Variants in TP53I11 observed in about 807,000 individuals in gnomAD.
TP53I11 encodes tumor protein p53 inducible protein 11, also known as tumor protein p53-inducible protein 11.
A neutral mutation model predicts 23.3 loss-of-function variants in TP53I11; 9 were observed. The ratio of observed to expected loss-of-function variants is 0.39; its 90% CI spans 0.23 to 0.67. TP53I11 has a LOEUF of 0.67. TP53I11 is among the 30% of genes least tolerant of loss of function. TP53I11 has a pLI of 0.48. For missense variants in TP53I11, 170 were observed against 255.2 expected, an observed-to-expected ratio of 0.67 and a Z score of 2.27; for synonymous variants, 100 against 106.1, an observed-to-expected ratio of 0.94 and a Z score of 0.35.
chr11:44,943,386 G>A (rs1223828293), intron 1 of TP53I11, among the ~76,000 whole-genome samples: 4 of 152,186 alleles, frequency 2.6e-5, no homozygotes, highest in Non-Finnish European at 4.4e-5. Flanking sequence ...CTGGGGGCAG[G>A]GGCAGCAAGG....
At chr11:44,950,199 C>A (rs1169014220) in intron 1 of TP53I11, 1 of 152,282 alleles carries the variant, frequency 6.6e-6, no homozygotes, top group African/African-American at 2.4e-5. Flanking sequence ...CTCCTCCTGC[C>A]GGGAACAATG....
At chr11:44,941,231 C>G (rs528771869) in intron 1 of TP53I11, among the ~76,000 whole-genome samples, 68 of 152,244 alleles carry the variant, frequency 4.5e-4, no homozygotes, top group African/African-American at 1.6e-3. Flanking sequence ...CAGCCTTGGC[C>G]GGGGGAGGGG....
intron 1 of TP53I11, among the ~76,000 whole-genome samples, chr11:44,944,154 T>A (rs987165574): frequency 1.3e-5 from 2 of 152,086 alleles, no homozygotes; most frequent in Non-Finnish European, 2.9e-5. Flanking sequence ...GGGGTGCAAA[T>A]GCTCTTGGCA....
Position 44,934,746 on chromosome 11 carries a change from G to GC in TP53I11, c.*137dup, listed in dbSNP as rs564441721. 1,499 of 1,232,766 alleles carry GC rather than the reference G, an allele frequency of 1.2e-3. 3 individuals carry two copies. Among genetic ancestry groups the GC allele is most frequent in the Non-Finnish European group, 1.6e-3 (1,404 of 904,470 alleles). 76.4% of individuals were successfully genotyped at this position (1,232,766 alleles called of 1,614,324 possible). On this transcript the variant is annotated 3_prime_UTR_variant, in exon 7 of 7. Coordinates refer to ENST00000525680, the MANE Select transcript of TP53I11 (RefSeq NM_006034.5). ...ACGGGGTGCCCAGGAGGAAAGGAAG[G>GC]CCCCCCACCCCCTGCCTCCCTGGGG...
chr11:44,951,138 A>C (rs1862922317), upstream of TP53I11: 1 of 152,198 alleles, frequency 6.6e-6, no homozygotes, highest in Non-Finnish European at 1.5e-5. Flanking sequence ...CGCGCCGCCC[A>C]GGATGACTTT....
At chr11:44,937,755 T>A in intron 2 of TP53I11, 142 bp from the exon 3 acceptor site, 1 of 759,322 alleles carries the variant, frequency 1.3e-6, no homozygotes. Context: ...GTGGGGAGGG[T>A]CACATGAGGC....
rs778453087 is a variant in TP53I11 at position 44,935,577 on chromosome 11, G to A, written c.420C>T (p.Phe140=). The A allele has an allele frequency of 2.1e-5, 34 of 1,612,160 alleles. No homozygotes were observed. The highest frequency in any genetic ancestry group is 2.7e-5 in the Non-Finnish European group (32 of 1,178,924). ...RWTLLTEACY[F]GVQFLVVTAT... is the part of the protein sequence containing the mutation. ...AGGACTCACCCAAGAACTGGACCCCGAAATAGCAAGCTTCGGTGAGCAGGG... is the reference window on the plus strand; with the variant it reads ...AGGACTCACCCAAGAACTGGACCCCAAAATAGCAAGCTTCGGTGAGCAGGG... Residue 140 remains phenylalanine, a synonymous_variant, in exon 6 of 7, where the codon TTC becomes TTT. Coordinates refer to ENST00000525680, the MANE Select transcript of TP53I11 (RefSeq NM_006034.5).
At chr11:44,935,708 C>A (rs879771423) in intron 5 of TP53I11, 46 bp from the exon 6 acceptor site, 24 of 1,371,816 alleles carry the variant, frequency 1.7e-5, no homozygotes, top group Non-Finnish European at 2.1e-5. Context: ...ACAGCTGACT[C>A]CCTCCCAGCA....
rs1277029214 is a variant in TP53I11 at position 44,936,198 on chromosome 11, G to C, written c.335-536C>G. On this transcript the variant is annotated intron_variant, in intron 5 of 6. Coordinates refer to ENST00000525680, the MANE Select transcript of TP53I11 (RefSeq NM_006034.5). This position sits in a 1 kb window ranked among gnomAD's most constrained non-coding sequence, Gnocchi z 4.4. Reference sequence around the variant, plus strand: ...AGCAGGCCCCGCCCACCCAGTGTCTGCTGGTACCAGACATGCCACTGGGTG... The same window carrying C: ...AGCAGGCCCCGCCCACCCAGTGTCTCCTGGTACCAGACATGCCACTGGGTG... The C allele has an allele frequency of 2.0e-6, 2 of 1,018,176 alleles. No homozygotes were observed. The highest frequency in any genetic ancestry group is 2.3e-6 in the Non-Finnish European group (2 of 852,112). The allele number at this position is 1,018,176 out of a possible 1,614,324, so 63.1% of individuals were successfully genotyped here. A position where few individuals can be genotyped will look rare whatever the true frequency, so the allele number is the denominator to read the frequency against.
chr11:44,938,679 G>A (rs952399421), intron 1 of TP53I11, among the ~76,000 whole-genome samples: 27 of 152,170 alleles, frequency 1.8e-4, no homozygotes, highest in Non-Finnish European at 3.1e-4. Flanking sequence ...TCTGGATGGC[G>A]GCCACATCCA....
intron 1 of TP53I11, among the ~76,000 whole-genome samples, chr11:44,946,151 G>A (rs1160680385): frequency 1.3e-5 from 2 of 152,220 alleles, no homozygotes; most frequent in African/African-American, 4.8e-5. Flanking sequence ...GGGCTAGAGA[G>A]ATAATCTAGA....
At chr11:44,943,466 G>A (rs1862095267) in intron 1 of TP53I11, among the ~76,000 whole-genome samples, 1 of 152,172 alleles carries the variant, frequency 6.6e-6, no homozygotes, top group South Asian at 2.1e-4. Flanking sequence ...GCCCAGGCCT[G>A]GGATCCTGAA....
rs1860704677 is a variant in TP53I11, at chr11:44,933,014, GGCACCA to G, written c.*1864_*1869del. 2 of 102,454 alleles carry G rather than the reference GGCACCA, an allele frequency of 2.0e-5. No homozygotes were observed. 6.3% of individuals were successfully genotyped at this position (102,454 alleles called of 1,614,324 possible). On this transcript the variant is annotated 3_prime_UTR_variant, in exon 7 of 7. Transcript: ENST00000525680. ...CGGCCTGAGGGCACTGCCCATTGGC[GGCACCA>G]CCTGTGGGCAGCAGCGGGAGGCAGT...
At chr11:44,945,001 C>G (rs1422705998) in intron 1 of TP53I11, among the ~76,000 whole-genome samples, 2 of 152,204 alleles carry the variant, frequency 1.3e-5, no homozygotes, top group Non-Finnish European at 2.9e-5. Context: ...GAAGACTATG[C>G]CCGTGAGGGC....
rs758804746 is a variant in TP53I11, at chr11:44,934,918, T to A, written c.536A>T (p.Tyr179Phe). 14 of 1,613,920 alleles carry A rather than the reference T, an allele frequency of 8.7e-6. No homozygotes were observed. In the African/African-American group the frequency reaches 1.5e-4, roughly 17 times the overall value. Residue 179 changes from tyrosine to phenylalanine, a missense_variant, in exon 7 of 7, where the codon TAT becomes TTT. By Grantham distance (22) the Tyr-to-Phe change is conservative. Coordinates refer to ENST00000525680, the MANE Select transcript of TP53I11 (RefSeq NM_006034.5). ...LLFVVISIYY[Y>F]YQVGRRPKKA ...CTTGGGTCTTCGGCCGACTTGGTAATAGTAGTAAATGCTGATGACGACAAA... is the reference window on the plus strand; with the variant it reads ...CTTGGGTCTTCGGCCGACTTGGTAAAAGTAGTAAATGCTGATGACGACAAA...
intron 1 of TP53I11, among the ~76,000 whole-genome samples, chr11:44,945,739 G>A (rs898471884): frequency 3.3e-5 from 5 of 152,154 alleles, no homozygotes; most frequent in African/African-American, 1.2e-4. Context: ...GAGTTGGGGG[G>A]CGGGGTGCTG....
At chr11:44,942,269 CCA>C (rs138469348) in intron 1 of TP53I11, among the ~76,000 whole-genome samples, 5,166 of 146,714 alleles carry the variant, frequency 0.035, 140 homozygotes, top group Admixed American at 0.087. Flanking sequence ...CACACACCCA[CCA>C]CACACATCAC....
At position 44,936,381 on chromosome 11, in the gene TP53I11, T is replaced by C. The variant is rs1056041171; in HGVS notation, c.334+422A>G. 1.3e-5 allele frequency: 16 copies of C among 1,229,124 alleles called. No homozygotes were observed. Among genetic ancestry groups the C allele is most frequent in the Middle Eastern group, 6.2e-4 (2 of 3,216 alleles). The allele number at this position is 1,229,124 out of a possible 1,614,324, so 76.1% of individuals were successfully genotyped here. On this transcript the variant is annotated intron_variant, in intron 5 of 6. Coordinates refer to ENST00000525680, the MANE Select transcript of TP53I11 (RefSeq NM_006034.5). This position sits in a 1 kb window ranked among gnomAD's most constrained non-coding sequence, Gnocchi z 4.4. Reference sequence around the variant, plus strand: ...CAAATCCTAACGTGTGCATCTCAGGTTAGAGAGGAAACAGAAGTGGTTCAA... The same window carrying C: ...CAAATCCTAACGTGTGCATCTCAGGCTAGAGAGGAAACAGAAGTGGTTCAA...
Position 44,933,378 on chromosome 11 carries a change from A to C in TP53I11, c.*1506T>G, listed in dbSNP as rs1590723443. On this transcript the variant is annotated 3_prime_UTR_variant, in exon 7 of 7. Coordinates refer to ENST00000525680, the MANE Select transcript of TP53I11 (RefSeq NM_006034.5). The stretch of plus-strand genomic sequence containing the variant: ...TATAGACACCCTCCAGCCATCCCCC[A>C]CTCTATGCCAGGATGGGAAGCGAGT... The C allele has an allele frequency of 6.6e-6, 1 of 151,660 alleles. No homozygotes were observed. Among genetic ancestry groups the C allele is most frequent in the Non-Finnish European group, 1.5e-5 (1 of 68,070 alleles). 9.4% of individuals were successfully genotyped at this position (151,660 alleles called of 1,614,324 possible). A position where few individuals can be genotyped will look rare whatever the true frequency, so the allele number is the denominator to read the frequency against.
Sources: allele counts gnomAD v4.1 joint callset (sites outside exome capture counted in the v4.1 genomes callset), GRCh38; gene constraint gnomAD v4.1.1; non-coding constraint Gnocchi (gnomAD v3.1); transcripts MANE v1.5; gene names NCBI Gene and HGNC (gene_info 2026-07-23, HGNC 2026-07-21).